Variants in PHLPP1 observed in about 807,000 individuals in gnomAD.
PHLPP1 encodes the protein PH domain and leucine rich repeat protein phosphatase 1, also known as PH domain leucine-rich repeat-containing protein phosphatase 1.
Under a neutral mutation model 117.2 loss-of-function variants are expected in PHLPP1, and 42 were observed. The ratio of observed to expected loss-of-function variants is 0.36; its 90% CI spans 0.28 to 0.46. The LOEUF is 0.46. PHLPP1 is among the 20% of genes least tolerant of loss of function. PHLPP1 has a pLI of 1.00. For synonymous variants in PHLPP1, 1,042 were observed against 970.7 expected (o/e 1.07, Z -1.37); for missense variants, 2,084 against 2,241.9 (o/e 0.93, Z 1.42).
intron 6 of PHLPP1, 27 bp downstream of exon 6, chr18:62,896,038 A>C: frequency 6.4e-6 from 9 of 1,405,672 alleles, no homozygotes; most frequent in Non-Finnish European, 8.0e-6. Flanking sequence ...AATAGATCTC[A>C]TTTGAGTGGC....
At chr18:62,931,873 C>G (rs1158996993) in intron 10 of PHLPP1, among the ~76,000 whole-genome samples, 3 of 97,502 alleles carry the variant, frequency 3.1e-5, no homozygotes, top group Admixed American at 1.4e-4. Flanking sequence ...CCAGCCTGGG[C>G]GACAGAAAAA....
Position 62,895,894 on chromosome 18 carries a change from C to T in PHLPP1, c.2327C>T (p.Pro776Leu), listed in dbSNP as rs1437752816. The stretch of plus-strand genomic sequence containing the variant: ...TCTTTCAATGAATTTACTGACATTC[C>T]CGAAGTATTGGAGAAATTGACTGCT... The part of the protein sequence containing the change: ...GLSFNEFTDI[P>L]EVLEKLTAVD... Residue 776 changes from proline to leucine, a missense_variant, in exon 6 of 17, where the codon CCC becomes CTC. By Grantham distance (98) the Pro-to-Leu change is moderately conservative. Around this residue, in one of 2 missense-constraint regions of PHLPP1, gnomAD observed 1,365 missense variants for 1,605.9 expected, o/e 0.85. Transcript: ENST00000262719. 1 of 1,613,060 alleles carries T rather than the reference C, an allele frequency of 6.2e-7. No homozygotes were observed. Among genetic ancestry groups the T allele is most frequent in the South Asian group, 1.1e-5 (1 of 91,060 alleles).
intron 1 of PHLPP1, among the ~76,000 whole-genome samples, chr18:62,769,027 A>G (rs1912657112): frequency 6.6e-6 from 1 of 152,238 alleles, no homozygotes; most frequent in Non-Finnish European, 1.5e-5. Flanking sequence ...TTGAAAGTTT[A>G]ATATATCATC....
intron 3 of PHLPP1, among the ~76,000 whole-genome samples, chr18:62,849,854 T>C (rs1915292681): frequency 8.5e-6 from 1 of 117,440 alleles, no homozygotes; most frequent in South Asian, 2.8e-4. Flanking sequence ...CTTTAAAGTT[T>C]AGTTCCCATT....
chr18:62,853,697 A>G (rs1915419276), intron 3 of PHLPP1, among the ~76,000 whole-genome samples: 1 of 152,234 alleles, frequency 6.6e-6, no homozygotes, highest in South Asian at 2.1e-4. Flanking sequence ...ACTAAAACTG[A>G]CTTTCTATGG....
At chr18:62,955,451 C>T (rs1910583978) in intron 12 of PHLPP1, among the ~76,000 whole-genome samples, 1 of 152,152 alleles carries the variant, frequency 6.6e-6, no homozygotes, top group Non-Finnish European at 1.5e-5. Flanking sequence ...AAGCAAATTT[C>T]TGGTGCAGCC....
intron 4 of PHLPP1, among the ~76,000 whole-genome samples, chr18:62,879,296 G>A (rs962523936): frequency 6.6e-6 from 1 of 152,176 alleles, no homozygotes; most frequent in Non-Finnish European, 1.5e-5. Context: ...GGATGACACA[G>A]CAAGAAGGCC....
chr18:62,919,013 G>T (rs1028434626), intron 9 of PHLPP1, among the ~76,000 whole-genome samples: 1 of 152,190 alleles, frequency 6.6e-6, no homozygotes, highest in Non-Finnish European at 1.5e-5. Context: ...GCATTTGTGA[G>T]TGAGATCAGA....
chr18:62,770,747 G>T (rs1310326151), intron 1 of PHLPP1, among the ~76,000 whole-genome samples: 1 of 151,344 alleles, frequency 6.6e-6, no homozygotes, highest in East Asian at 1.9e-4. Context: ...TTTTGGGGGG[G>T]GTGGGGAATA....
intron 4 of PHLPP1, among the ~76,000 whole-genome samples, 161 bp from the exon 5 acceptor site, chr18:62,894,850 T>C (rs986246114): frequency 3.9e-5 from 6 of 152,244 alleles, no homozygotes; most frequent in African/African-American, 1.4e-4. Flanking sequence ...AGTCAGCAGA[T>C]GTGCATTCCA....
chr18:62,932,762 C>T (rs1909853512), intron 10 of PHLPP1, among the ~76,000 whole-genome samples: 1 of 152,086 alleles, frequency 6.6e-6, no homozygotes, highest in East Asian at 1.9e-4. Flanking sequence ...AAAGTCCTAG[C>T]CAGAGCAGTC....
intron 4 of PHLPP1, among the ~76,000 whole-genome samples, chr18:62,887,506 G>A (rs188529204): frequency 6.6e-6 from 1 of 152,312 alleles, no homozygotes; most frequent in East Asian, 1.9e-4. Flanking sequence ...GGCACCAGCA[G>A]GTTTGGTGTC....
At chr18:62,735,593 AC>A (rs1911348548) in intron 1 of PHLPP1, among the ~76,000 whole-genome samples, 7 of 151,982 alleles carry the variant, frequency 4.6e-5, no homozygotes, top group Non-Finnish European at 1.0e-4. Flanking sequence ...AACAACAACA[AC>A]AACAACAACA....
intron 1 of PHLPP1, chr18:62,826,249 A>T (rs756179578): frequency 4.6e-6 from 2 of 431,438 alleles, no homozygotes; most frequent in African/African-American, 4.0e-5. Context: ...ACTTACGGAG[A>T]TGACAATTAA....
At chr18:62,818,894 A>C (rs932828004) in intron 1 of PHLPP1, among the ~76,000 whole-genome samples, 3 of 152,342 alleles carry the variant, frequency 2.0e-5, no homozygotes, top group East Asian at 1.9e-4. Context: ...AAATACAGCC[A>C]CAGTGGTGGT....
intron 12 of PHLPP1, among the ~76,000 whole-genome samples, chr18:62,953,558 G>A (rs7228188): frequency 0.018 from 2,704 of 152,284 alleles, 60 homozygotes; most frequent in African/African-American, 0.061. Context: ...AGCTAAAGGT[G>A]TATTGTTTAT....
chr18:62,722,062 C>G (rs1910936497), intron 1 of PHLPP1, among the ~76,000 whole-genome samples: 1 of 152,124 alleles, frequency 6.6e-6, no homozygotes, highest in African/African-American at 2.4e-5. Flanking sequence ...TTTGGGTCCC[C>G]AGGGATGTGT....
chr18:62,762,633 C>G (rs1002647994), intron 1 of PHLPP1, among the ~76,000 whole-genome samples: 9 of 151,840 alleles, frequency 5.9e-5, no homozygotes, highest in African/African-American at 9.7e-5. Context: ...AGGCTGGTCT[C>G]GAACTCCTGA....
At chr18:62,912,707 C>G (rs1345986329) in intron 8 of PHLPP1, among the ~76,000 whole-genome samples, 1 of 152,124 alleles carries the variant, frequency 6.6e-6, no homozygotes, top group Non-Finnish European at 1.5e-5. Context: ...GCAACCTCTA[C>G]TTCCTGGGTT....
Sources: gnomAD v4.1 joint callset for allele counts (sites outside exome capture counted in the v4.1 genomes callset) on GRCh38, gnomAD v4.1.1 for gene constraint, gnomAD v4.1.1 regional missense constraint, MANE v1.5 for transcripts, NCBI Gene and HGNC (gene_info 2026-07-23, HGNC 2026-07-21) for gene names.